The following NTN4 variants were observed in gnomAD, a reference collection of about 807,000 sequenced individuals.
The protein encoded by NTN4 is netrin-4.
Under a neutral mutation model 73.6 loss-of-function variants are expected in NTN4, and 32 were observed. The observed-to-expected ratio is 0.44, with a 90% confidence interval of 0.33 to 0.58. NTN4 has a LOEUF of 0.58. NTN4 is among the 20% of genes least tolerant of loss of function. The pLI is 0.04. For missense variants in NTN4, 654 were observed against 798.3 expected (o/e 0.82, Z 2.18); for synonymous variants, 258 against 287.5 (o/e 0.90, Z 1.04).
intron 3 of NTN4, among the ~76,000 whole-genome samples, chr12:95,733,294 C>T (rs976419829): frequency 5.3e-5 from 8 of 152,184 alleles, no homozygotes; most frequent in South Asian, 2.1e-4. Context: ...ACACAATTTC[C>T]GGGATTCCAG....
intron 2 of NTN4, among the ~76,000 whole-genome samples, chr12:95,745,243 T>A (rs2078853844): frequency 6.6e-6 from 1 of 152,170 alleles, no homozygotes; most frequent in Non-Finnish European, 1.5e-5. Flanking sequence ...AAATTTTTGT[T>A]CCCCTCCTCT....
rs1264661609 is a variant in NTN4, at chr12:95,789,582, G to T, written c.55+673C>A. ...GAGGGCATCTGCCGACGCCGACGCC[G>T]GTTGTCCAGTTACCGAGCCAGGGAG... On this transcript the variant is annotated intron_variant, in intron 1 of 9. Coordinates refer to ENST00000343702, the MANE Select transcript of NTN4 (RefSeq NM_021229.4). This position sits in a 1 kb window ranked among gnomAD's most constrained non-coding sequence, Gnocchi z 4.0. Among the ~76,000 whole-genome samples the T allele has an allele frequency of 6.6e-6, 1 of 152,162 alleles. No individual in the cohort carries two copies. The highest frequency in any genetic ancestry group is 1.9e-4 in the East Asian group (1 of 5,180).
intron 7 of NTN4, among the ~76,000 whole-genome samples, chr12:95,670,762 G>A (rs575254712): frequency 2.0e-5 from 3 of 152,306 alleles, no homozygotes; most frequent in South Asian, 2.1e-4. Flanking sequence ...ATATACTTGG[G>A]TGGAAGAGTC....
intron 2 of NTN4, among the ~76,000 whole-genome samples, chr12:95,766,770 G>A (rs963102665): frequency 6.6e-6 from 1 of 152,198 alleles, no homozygotes; most frequent in Non-Finnish European, 1.5e-5. Flanking sequence ...CTCTTCTCTT[G>A]TTTGGAGCAT....
Position 95,690,402 on chromosome 12 carries a change from A to C in NTN4, c.1181-6691T>G, listed in dbSNP as rs12297822. On this transcript the variant is annotated intron_variant, in intron 5 of 9. Coordinates refer to ENST00000343702, the MANE Select transcript of NTN4 (RefSeq NM_021229.4). ...ATTCCAAGATTTTAAAGATCTTTAT[A>C]CCGGAGGAAAGTAAAGATTTTGCCT... Among the ~76,000 whole-genome samples the C allele has an allele frequency of 5.7e-3, 864 of 152,302 alleles. 11 individuals are homozygous for C. The highest frequency in any genetic ancestry group is 0.02 in the African/African-American group (821 of 41,568).
At position 95,717,133 on chromosome 12, in the gene NTN4, G is replaced by A. The variant is rs562065570; in HGVS notation, c.865-3795C>T. On this transcript the variant is annotated intron_variant, in intron 3 of 9. Coordinates refer to ENST00000343702, the MANE Select transcript of NTN4 (RefSeq NM_021229.4). The stretch of plus-strand genomic sequence containing the variant: ...CCCTCTTTTCCACTTTTTAGCAACC[G>A]TTTATTGAATACTGTATGAAGCAAG... Among the ~76,000 whole-genome samples the A allele has an allele frequency of 5.9e-5, 9 of 152,158 alleles. 1 individual carries two copies. In the South Asian group the frequency reaches 1.7e-3, roughly 28 times the overall value.
intron 4 of NTN4, 42 bp downstream of exon 4, chr12:95,713,170 T>G (rs955017988): frequency 6.3e-7 from 1 of 1,594,650 alleles, no homozygotes; most frequent in Admixed American, 1.7e-5. Flanking sequence ...ATGCGTTGAC[T>G]TTACAAAGAA....
intron 3 of NTN4, among the ~76,000 whole-genome samples, chr12:95,715,181 T>G (rs1328632307): frequency 1.3e-5 from 2 of 152,136 alleles, no homozygotes; most frequent in African/African-American, 4.8e-5. Flanking sequence ...GGGCTGCGTG[T>G]GAGTGAACAT....
intron 8 of NTN4, among the ~76,000 whole-genome samples, chr12:95,666,274 G>A (rs1003634248): frequency 1.2e-4 from 18 of 152,062 alleles, no homozygotes; most frequent in African/African-American, 4.3e-4. Context: ...GGACTCAGGG[G>A]GAAGAGAGGG....
intron 5 of NTN4, among the ~76,000 whole-genome samples, chr12:95,692,050 G>C (rs1048389062): frequency 2.6e-5 from 4 of 151,708 alleles, no homozygotes; most frequent in African/African-American, 9.7e-5. Flanking sequence ...CCTTTTTTTG[G>C]GGGGGACAGA....
intron 2 of NTN4, among the ~76,000 whole-genome samples, chr12:95,743,234 A>G (rs1008185276): frequency 1.3e-5 from 2 of 151,944 alleles, no homozygotes; most frequent in Admixed American, 1.3e-4. Flanking sequence ...ACATCCTCAC[A>G]TTCTTAAAGA....
chr12:95,691,675 G>A (rs925693051), intron 5 of NTN4, among the ~76,000 whole-genome samples: 11 of 152,064 alleles, frequency 7.2e-5, no homozygotes, highest in African/African-American at 2.2e-4. Context: ...GATTACAGGC[G>A]TGAGCCACCA....
intron 2 of NTN4, among the ~76,000 whole-genome samples, chr12:95,751,027 C>T (rs530291940): frequency 0.014 from 2,066 of 152,326 alleles, 21 homozygotes; most frequent in Middle Eastern, 0.092. Flanking sequence ...AAAAACCCAG[C>T]CCAGTTCATG....
At chr12:95,744,431 T>C (rs1039867241) in intron 2 of NTN4, among the ~76,000 whole-genome samples, 5 of 152,184 alleles carry the variant, frequency 3.3e-5, no homozygotes, top group Admixed American at 1.3e-4. Context: ...TACCTAATCT[T>C]TTTCAAAAAT....
intron 5 of NTN4, among the ~76,000 whole-genome samples, chr12:95,709,662 T>C (rs1446701161): frequency 6.6e-6 from 1 of 151,770 alleles, no homozygotes; most frequent in Non-Finnish European, 1.5e-5. Flanking sequence ...GCCTCCCAAA[T>C]AGCTGAAACT....
At chr12:95,763,014 GC>G (rs1380041411) in intron 2 of NTN4, among the ~76,000 whole-genome samples, 1 of 151,964 alleles carries the variant, frequency 6.6e-6, no homozygotes, top group Non-Finnish European at 1.5e-5. Context: ...TAATGACAAA[GC>G]CATAATTAAA....
intron 5 of NTN4, among the ~76,000 whole-genome samples, chr12:95,696,554 A>C (rs2078443826): frequency 6.6e-6 from 1 of 152,172 alleles, no homozygotes; most frequent in Non-Finnish European, 1.5e-5. Context: ...TCAATGCCTG[A>C]CCCATTTTAG....
At chr12:95,777,776 G>A (rs1254058115) in intron 2 of NTN4, among the ~76,000 whole-genome samples, 1 of 152,088 alleles carries the variant, frequency 6.6e-6, no homozygotes, top group Non-Finnish European at 1.5e-5. Flanking sequence ...AAATTAACAA[G>A]GATATCCAGG....
At chr12:95,752,261 T>G (rs1176459711) in intron 2 of NTN4, among the ~76,000 whole-genome samples, 2 of 150,556 alleles carry the variant, frequency 1.3e-5, no homozygotes, top group African/African-American at 4.9e-5. Context: ...CCATTTTACC[T>G]GTCCTAGAAC....
Sources: gnomAD v4.1 joint callset for allele counts (sites outside exome capture counted in the v4.1 genomes callset) on GRCh38, gnomAD v4.1.1 for gene constraint, Gnocchi (gnomAD v3.1) non-coding constraint, MANE v1.5 for transcripts, NCBI Gene and HGNC (gene_info 2026-07-23, HGNC 2026-07-21) for gene names.